Variants in THSD7B observed in about 807,000 individuals in gnomAD.
THSD7B encodes the protein thrombospondin type 1 domain containing 7B, also known as thrombospondin type-1 domain-containing protein 7B.
THSD7B carries 138 observed loss-of-function variants against 213.6 expected under a neutral mutation model. That is an observed-to-expected ratio of 0.65 (90% CI 0.56 to 0.74). The LOEUF (loss-of-function observed/expected upper bound fraction) is 0.74. Among genes scored for constraint, THSD7B ranks in the 30% least tolerant of loss-of-function variants. The pLI is 0.00. For synonymous variants in THSD7B, 742 were observed against 687.0 expected (o/e 1.08, Z -1.25); for missense variants, 1,931 against 1,991.5 (o/e 0.97, Z 0.58).
intron 5 of THSD7B, among the ~76,000 whole-genome samples, chr2:137,133,942 T>A (rs981586444): frequency 1.2e-4 from 18 of 152,182 alleles, no homozygotes; most frequent in Admixed American, 9.8e-4. Context: ...GGCTACTGGC[T>A]ACCATGTTGG....
chr2:136,829,817 A>C (rs1682719012), intron 1 of THSD7B, among the ~76,000 whole-genome samples: 1 of 152,176 alleles, frequency 6.6e-6, no homozygotes, highest in Non-Finnish European at 1.5e-5. Flanking sequence ...TTTTCTTTGA[A>C]GCATATACAT....
intron 15 of THSD7B, among the ~76,000 whole-genome samples, chr2:137,546,611 T>G (rs968036093): frequency 2.8e-5 from 4 of 143,518 alleles, no homozygotes; most frequent in Non-Finnish European, 4.5e-5. Context: ...GGGTTTTTTT[T>G]GTTTGTTTTT....
chr2:136,890,503 CT>C (rs1307129262), intron 2 of THSD7B, among the ~76,000 whole-genome samples: 111 of 746 alleles, frequency 0.15, 32 homozygotes, highest in African/African-American at 0.16. Flanking sequence ...CTTTCTTCTC[CT>C]TTCTTCTTCT....
chr2:137,403,412 C>G (rs1247692312), intron 12 of THSD7B, among the ~76,000 whole-genome samples: 2 of 152,168 alleles, frequency 1.3e-5, no homozygotes, highest in Non-Finnish European at 2.9e-5. Context: ...TACACTTACC[C>G]TACATAAGAG....
At chr2:136,921,219 CAAAAAAAAAAA>C (rs778515013) in intron 2 of THSD7B, among the ~76,000 whole-genome samples, 1 of 96,556 alleles carries the variant, frequency 1.0e-5, no homozygotes, top group Non-Finnish European at 2.2e-5. Context: ...TCTGGACACT[CAAAAAAAAAAA>C]AAAAAAAACC....
intron 15 of THSD7B, among the ~76,000 whole-genome samples, chr2:137,471,867 C>T (rs904206026): frequency 1.1e-4 from 17 of 152,142 alleles, no homozygotes; most frequent in South Asian, 6.2e-4. Flanking sequence ...GGCAGTACTG[C>T]GGGTGACCAT....
chr2:137,106,556 A>T (rs528441896), intron 4 of THSD7B, among the ~76,000 whole-genome samples: 1 of 152,348 alleles, frequency 6.6e-6, no homozygotes, highest in Non-Finnish European at 1.5e-5. Context: ...GGATGTAGTT[A>T]AGCTGAAGAG....
rs1679641943 is a variant in THSD7B, at chr2:137,143,953, A to G, written c.1370-16260A>G. 2.6e-5 allele frequency among the ~76,000 whole-genome samples: 4 copies of G among 152,138 alleles called. No homozygotes were observed. In the South Asian group the frequency reaches 8.3e-4, roughly 32 times the overall value. ...TTTTTTCCAGCTTTTAATTAACTTT[A>G]AAACAATTCATAAGAGTTTATGGCT... On this transcript the variant is annotated intron_variant, in intron 5 of 27. Transcript: ENST00000409968.
At chr2:136,984,617 C>T (rs1685640030) in intron 2 of THSD7B, among the ~76,000 whole-genome samples, 1 of 152,108 alleles carries the variant, frequency 6.6e-6, no homozygotes, top group African/African-American at 2.4e-5. Flanking sequence ...AATTGCCTAG[C>T]ATCAGGTATT....
intron 15 of THSD7B, among the ~76,000 whole-genome samples, chr2:137,475,480 T>C (rs944450735): frequency 5.1e-4 from 78 of 152,278 alleles, no homozygotes; most frequent in African/African-American, 1.8e-3. Flanking sequence ...TCTTTATCCC[T>C]CACATCTCCA....
At chr2:136,795,724 T>C (rs907932719) in intron 1 of THSD7B, among the ~76,000 whole-genome samples, 2 of 151,986 alleles carry the variant, frequency 1.3e-5, no homozygotes, top group Non-Finnish European at 2.9e-5. Context: ...TTTTACTTAC[T>C]CTCACTCCAA....
intron 1 of THSD7B, among the ~76,000 whole-genome samples, chr2:136,789,435 G>T (rs1401778200): frequency 1.3e-5 from 2 of 152,024 alleles, no homozygotes; most frequent in African/African-American, 4.8e-5. Context: ...AAAGAAATCA[G>T]GGTAATTGGC....
intron 14 of THSD7B, among the ~76,000 whole-genome samples, chr2:137,422,226 A>C (rs1686943897): frequency 6.6e-6 from 1 of 152,222 alleles, no homozygotes; most frequent in Non-Finnish European, 1.5e-5. Context: ...GTCAGCAAAA[A>C]TGTTACAATG....
At chr2:137,621,875 C>T (rs1401384849) in intron 20 of THSD7B, among the ~76,000 whole-genome samples, 1 of 152,132 alleles carries the variant, frequency 6.6e-6, no homozygotes, top group Admixed American at 6.6e-5. Context: ...CTGGTGAAAG[C>T]CTCAGGCTGT....
At chr2:137,315,510 A>T (rs1173317127) in intron 12 of THSD7B, among the ~76,000 whole-genome samples, 1 of 151,972 alleles carries the variant, frequency 6.6e-6, no homozygotes, top group African/African-American at 2.4e-5. Flanking sequence ...AGCTGTTCCT[A>T]TTCAGCCATC....
intron 1 of THSD7B, among the ~76,000 whole-genome samples, chr2:136,776,872 A>G (rs1237893680): frequency 1.3e-5 from 2 of 152,156 alleles, no homozygotes; most frequent in Non-Finnish European, 2.9e-5. Flanking sequence ...ACACACACAC[A>G]CATACAACCA....
At chr2:137,071,726 T>A (rs1687492877) in intron 3 of THSD7B, among the ~76,000 whole-genome samples, 1 of 152,150 alleles carries the variant, frequency 6.6e-6, no homozygotes, top group Non-Finnish European at 1.5e-5. Context: ...TCTTCTAGGG[T>A]TTTTATGGTT....
At chr2:137,019,240 A>AT (rs1686397858) in intron 2 of THSD7B, among the ~76,000 whole-genome samples, 1 of 151,958 alleles carries the variant, frequency 6.6e-6, no homozygotes, top group Non-Finnish European at 1.5e-5. Flanking sequence ...GAGTTACTGT[A>AT]TTTTTCTGTA....
intron 15 of THSD7B, among the ~76,000 whole-genome samples, chr2:137,526,146 G>A (rs936699624): frequency 3.9e-5 from 6 of 151,984 alleles, no homozygotes; most frequent in East Asian, 1.9e-4. Flanking sequence ...GCCATGTCCC[G>A]TACCACTTCT....
Sources: gnomAD v4.1 joint callset for allele counts (sites outside exome capture counted in the v4.1 genomes callset) on GRCh38, gnomAD v4.1.1 for gene constraint, MANE v1.5 for transcripts, NCBI Gene and HGNC (gene_info 2026-07-23, HGNC 2026-07-21) for gene names.